Variants in TPST2 observed in about 807,000 individuals in gnomAD.
TPST2 encodes the protein protein-tyrosine sulfotransferase 2.
TPST2 carries 16 observed loss-of-function variants against 27.8 expected under a neutral mutation model. The ratio of observed to expected loss-of-function variants is 0.58; its 90% CI spans 0.39 to 0.88. TPST2 has a LOEUF of 0.88. Ranked by LOEUF, TPST2 falls within the 40% of genes least tolerant of loss-of-function variation. TPST2 has a pLI of 0.00. For missense variants in TPST2, 464 were observed against 543.1 expected (o/e 0.85, Z 1.45); for synonymous variants, 229 against 231.7 (o/e 0.99, Z 0.10).
At chr22:26,538,769 G>A (rs1471453268) in intron 3 of TPST2, among the ~76,000 whole-genome samples, 2 of 152,054 alleles carry the variant, frequency 1.3e-5, no homozygotes, top group Admixed American at 1.3e-4. Context: ...GTTGCAGTGA[G>A]CCGAGATCAC....
Position 26,541,553 on chromosome 22 carries a change from C to T in TPST2, c.78G>A (p.Gln26=). The change falls in exon 3 of 7, where the codon CAG becomes CAA. Residue 26 remains glutamine, a synonymous_variant. Coordinates refer to ENST00000338754, the MANE Select transcript of TPST2 (RefSeq NM_003595.5). The surrounding 1 kb of genome is among the most constrained non-coding windows in gnomAD (Gnocchi z 5.9). Reference sequence around the variant, plus strand: ...GCACCGCCCGGCACTCTAGCACCTGCTGTCCCAGCTGAACCGCCAGCACCA... The same window carrying T: ...GCACCGCCCGGCACTCTAGCACCTGTTGTCCCAGCTGAACCGCCAGCACCA... ...LVLVLAVQLG[Q]QVLECRAVLA... is the part of the protein sequence containing the mutation. 3.1e-6 allele frequency: 5 copies of T among 1,610,408 alleles called. No individual in the cohort carries two copies. The highest frequency in any genetic ancestry group is 4.2e-6 in the Non-Finnish European group (5 of 1,178,954).
chr22:26,589,178 A>T (rs1001249372), intron 1 of TPST2, among the ~76,000 whole-genome samples: 3 of 152,068 alleles, frequency 2.0e-5, no homozygotes, highest in African/African-American at 7.2e-5. Flanking sequence ...GACCTCTCCA[A>T]GCCTCAGTCT....
chr22:26,573,358 G>A (rs1477934921), intron 1 of TPST2, among the ~76,000 whole-genome samples: 2 of 152,216 alleles, frequency 1.3e-5, no homozygotes, highest in African/African-American at 4.8e-5. Context: ...CTGAAGGCTC[G>A]GGGTGACAGC....
At chr22:26,529,159 G>C (rs1365953290) in intron 5 of TPST2, among the ~76,000 whole-genome samples, 1 of 152,146 alleles carries the variant, frequency 6.6e-6, no homozygotes, top group Non-Finnish European at 1.5e-5. Flanking sequence ...GTCTCACTGT[G>C]TTGCCCAGGC....
intron 1 of TPST2, among the ~76,000 whole-genome samples, chr22:26,554,997 T>C (rs558983931): frequency 2.0e-5 from 3 of 152,354 alleles, no homozygotes; most frequent in South Asian, 2.1e-4. Flanking sequence ...CTGACTGTTA[T>C]TCCTTCCCTT....
At chr22:26,575,933 T>C (rs1221013108) in intron 1 of TPST2, among the ~76,000 whole-genome samples, 1 of 151,720 alleles carries the variant, frequency 6.6e-6, no homozygotes, top group Non-Finnish European at 1.5e-5. Context: ...GAGGCGGAGG[T>C]TGCAGTGAGC....
chr22:26,583,632 G>A (rs953206446), intron 1 of TPST2, among the ~76,000 whole-genome samples: 2 of 151,834 alleles, frequency 1.3e-5, no homozygotes, highest in African/African-American at 4.8e-5. Context: ...AAGGCAGGCG[G>A]AGTTCGAGAC....
intron 4 of TPST2, 98 bp from the exon 5 acceptor site, chr22:26,532,843 C>T: frequency 1.9e-6 from 2 of 1,053,990 alleles, no homozygotes; most frequent in East Asian, 2.4e-5. Context: ...ATCCACCTCG[C>T]CACCCACCCA....
chr22:26,557,019 G>C (rs1926838133), intron 1 of TPST2, among the ~76,000 whole-genome samples: 1 of 152,272 alleles, frequency 6.6e-6, no homozygotes. Flanking sequence ...AGGAATTTGA[G>C]ACCCAGCCTG....
intron 3 of TPST2, 67 bp downstream of exon 3, chr22:26,540,722 T>G: frequency 6.9e-7 from 1 of 1,449,248 alleles, no homozygotes; most frequent in South Asian, 1.4e-5. Flanking sequence ...GCAGTGCTGA[T>G]TTTCTTGCCT....
At chr22:26,556,155 T>G (rs1164252047) in intron 1 of TPST2, among the ~76,000 whole-genome samples, 1 of 152,150 alleles carries the variant, frequency 6.6e-6, no homozygotes, top group Non-Finnish European at 1.5e-5. Flanking sequence ...ATCTGCTCCT[T>G]TATTAAAGCA....
intron 1 of TPST2, among the ~76,000 whole-genome samples, chr22:26,569,107 C>T (rs1927497691): frequency 6.6e-6 from 1 of 152,132 alleles, no homozygotes; most frequent in African/African-American, 2.4e-5. Context: ...TCGTGATCCG[C>T]CCGCCTCAGC....
At chr22:26,535,268 TG>T (rs1925388499) in intron 4 of TPST2, among the ~76,000 whole-genome samples, 1 of 152,264 alleles carries the variant, frequency 6.6e-6, no homozygotes, top group African/African-American at 2.4e-5. Context: ...TCAGAAATGC[TG>T]AGCTTAGCTT....
intron 4 of TPST2, 63 bp from the exon 5 acceptor site, chr22:26,532,808 T>C: frequency 6.6e-7 from 1 of 1,505,966 alleles, no homozygotes; most frequent in East Asian, 2.3e-5. Context: ...ATTTAGTCAT[T>C]CCCAACACAT....
At chr22:26,559,629 A>G (rs559064926) in intron 1 of TPST2, among the ~76,000 whole-genome samples, 1 of 152,354 alleles carries the variant, frequency 6.6e-6, no homozygotes, top group Non-Finnish European at 1.5e-5. Context: ...TGAACATTTC[A>G]TAAAAATGGA....
intron 1 of TPST2, among the ~76,000 whole-genome samples, chr22:26,575,510 T>C (rs1386114186): frequency 2.0e-5 from 3 of 152,190 alleles, no homozygotes; most frequent in Admixed American, 6.5e-5. Flanking sequence ...ATCATTTCTA[T>C]ACCTCCCCTT....
At chr22:26,527,340 C>T (rs774107045) in intron 6 of TPST2, among the ~76,000 whole-genome samples, 1 of 152,136 alleles carries the variant, frequency 6.6e-6, no homozygotes, top group Non-Finnish European at 1.5e-5. Context: ...GCCTTAACTC[C>T]AGTGCCCAAG....
At chr22:26,560,454 GAC>G in intron 1 of TPST2, 1 of 719,802 alleles carries the variant, frequency 1.4e-6, no homozygotes, top group Non-Finnish European at 2.4e-6. Flanking sequence ...GCTCCACAGA[GAC>G]AGCGCCGGGG....
chr22:26,552,620 G>A (rs1196991970), intron 1 of TPST2, among the ~76,000 whole-genome samples: 1 of 152,070 alleles, frequency 6.6e-6, no homozygotes, highest in Non-Finnish European at 1.5e-5. Flanking sequence ...GCTCCACTGC[G>A]AGTTTGCAAC....
Sources: allele counts gnomAD v4.1 joint callset (sites outside exome capture counted in the v4.1 genomes callset), GRCh38; gene constraint gnomAD v4.1.1; non-coding constraint Gnocchi (gnomAD v3.1); transcripts MANE v1.5; gene names NCBI Gene and HGNC (gene_info 2026-07-23, HGNC 2026-07-21).